Variants in GNS observed in about 807,000 individuals in gnomAD.
GNS encodes the protein N-acetylglucosamine-6-sulfatase.
Under a neutral mutation model 69.7 loss-of-function variants are expected in GNS, and 40 were observed. That is an observed-to-expected ratio of 0.57 (90% CI 0.45 to 0.75). The LOEUF is 0.75. GNS is among the 30% of genes least tolerant of loss of function. The pLI is 0.00. For missense variants in GNS, 565 were observed against 685.5 expected (o/e 0.82, Z 1.96); for synonymous variants, 243 against 251.6 (o/e 0.97, Z 0.32).
At chr12:64,730,022 G>T (rs1223645784) in intron 9 of GNS, among the ~76,000 whole-genome samples, 1 of 152,148 alleles carries the variant, frequency 6.6e-6, no homozygotes, top group Non-Finnish European at 1.5e-5. Context: ...AGCCACAAGT[G>T]GATAATGCAG....
chr12:64,720,150 G>T lies in GNS; in HGVS notation c.1452C>A (p.Asp484Glu). Residue 484 changes from aspartate to glutamate, a missense_variant, in exon 13 of 14, where the codon GAC becomes GAA. By Grantham distance (45) the Asp-to-Glu change is conservative. Around this residue, in one of 2 missense-constraint regions of GNS, gnomAD observed 384 missense variants for 511.0 expected, o/e 0.75. Coordinates refer to ENST00000258145, the MANE Select transcript of GNS (RefSeq NM_002076.4). ...VFVEVYNLTA[D>E]PDQITNIAKT... The stretch of plus-strand genomic sequence containing the variant: ...TAGCAATGTTAGTGATCTGGTCTGG[G>T]TCTGCAGTCAGATTATAGACTTCTA... 1 of 1,605,970 alleles carries T rather than the reference G, an allele frequency of 6.2e-7. No homozygotes were observed. Among genetic ancestry groups the T allele is most frequent in the Non-Finnish European group, 8.5e-7 (1 of 1,172,588 alleles).
intron 2 of GNS, among the ~76,000 whole-genome samples, chr12:64,751,465 C>T (rs1043674955): frequency 1.3e-5 from 2 of 152,100 alleles, no homozygotes; most frequent in Non-Finnish European, 2.9e-5. Context: ...AAATGGAGCA[C>T]TGTTTCATCC....
At position 64,715,326 on chromosome 12, in the gene GNS, G is replaced by C. The variant is rs1401795742; in HGVS notation, c.*1415C>G. Reference sequence around the variant, plus strand: ...AAGGTCAGGAGTTCAAGACCAGCCTGGCCAACATGGTGAAACTCTGTCTCT... The same window carrying C: ...AAGGTCAGGAGTTCAAGACCAGCCTCGCCAACATGGTGAAACTCTGTCTCT... On this transcript the variant is annotated 3_prime_UTR_variant, in exon 14 of 14. Transcript: ENST00000258145. 6.6e-6 allele frequency: 1 copy of C among 152,196 alleles called. No homozygotes were observed. The highest frequency in any genetic ancestry group is 1.9e-4 in the East Asian group (1 of 5,198). 9.4% of individuals were successfully genotyped at this position (152,196 alleles called of 1,614,324 possible).
chr12:64,748,618 T>C (rs1006000889), intron 2 of GNS, among the ~76,000 whole-genome samples: 3 of 152,212 alleles, frequency 2.0e-5, no homozygotes, highest in Non-Finnish European at 4.4e-5. Flanking sequence ...ATTTGCAGGC[T>C]GATCTGCAGC....
At chr12:64,732,985 G>A (rs1869451437) in intron 9 of GNS, among the ~76,000 whole-genome samples, 1 of 152,044 alleles carries the variant, frequency 6.6e-6, no homozygotes, top group Admixed American at 6.5e-5. Flanking sequence ...TCAAATGAAA[G>A]TCCTTAGAAA....
chr12:64,732,172 T>G lies in GNS; in HGVS notation c.1099-3115A>C, dbSNP rs1319989900. Among the ~76,000 whole-genome samples the G allele has an allele frequency of 2.2e-4, 24 of 110,394 alleles. 1 individual carries two copies. The highest frequency in any genetic ancestry group is 2.6e-4 in the Admixed American group (3 of 11,452). The allele number at this position is 110,394 out of a possible 152,430, so 72.4% of individuals were successfully genotyped here. A position where few individuals can be genotyped will look rare whatever the true frequency, so the allele number is the denominator to read the frequency against. ...TGGCTAATTTTTTTTTTTTGTTGTT[T>G]TTTTTTTTTTTTTGAGACGGAGTCT... is the stretch of plus-strand genomic sequence containing the variant. On this transcript the variant is annotated intron_variant, in intron 9 of 13. Transcript: ENST00000258145.
Position 64,747,821 on chromosome 12 carries a change from T to A in GNS, c.350A>T (p.Asn117Ile). The A allele has an allele frequency of 6.2e-7, 1 of 1,604,028 alleles. No homozygotes were observed. The highest frequency in any genetic ancestry group is 2.2e-5 in the East Asian group (1 of 44,850). ...HHVVNNTLEG[N>I]CSSKSWQKIQ... is the part of the protein sequence containing the mutation. Reference sequence around the variant, plus strand: ...CTTCTGCCAGGACTTACTACTGCAGTTCCCCTCCAGAGTGTTGTTCACAAC... The same window carrying A: ...CTTCTGCCAGGACTTACTACTGCAGATCCCCTCCAGAGTGTTGTTCACAAC... The change falls in exon 3 of 14, where the codon AAC becomes ATC. Residue 117 changes from asparagine (N) to isoleucine (I), a missense_variant. Physicochemically the swap from Asn to Ile is moderately radical, Grantham distance 149. Around this residue, in one of 2 missense-constraint regions of GNS, gnomAD observed 181 missense variants for 174.4 expected, o/e 1.04. Coordinates refer to ENST00000258145, the MANE Select transcript of GNS (RefSeq NM_002076.4).
At chr12:64,755,945 G>T (rs1304786056) in intron 1 of GNS, among the ~76,000 whole-genome samples, 1 of 152,126 alleles carries the variant, frequency 6.6e-6, no homozygotes, top group Non-Finnish European at 1.5e-5. Flanking sequence ...AGGATTACAG[G>T]CGTGAGCCAC....
chr12:64,754,597 T>G (rs1354080989), intron 1 of GNS, among the ~76,000 whole-genome samples: 2 of 151,774 alleles, frequency 1.3e-5, no homozygotes, highest in African/African-American at 4.8e-5. Context: ...ACATAGGAAT[T>G]TAGACTTTAG....
rs1490460187 is a variant in GNS at position 64,740,617 on chromosome 12, T to C, written c.864A>G (p.Ala288=). The change falls in exon 7 of 14, where the codon GCA becomes GCG. Residue 288 remains alanine, a synonymous_variant. Coordinates refer to ENST00000258145, the MANE Select transcript of GNS (RefSeq NM_002076.4). The part of the protein sequence containing the change: ...TNSSIQFLDN[A]FRKRWQTLLS... The stretch of plus-strand genomic sequence containing the variant: ...GCAGCAGCTCTTACCTTTTCCTAAA[T>C]GCATTATCTAAAAACTGTATTGAAG... 2.6e-6 allele frequency: 4 copies of C among 1,539,474 alleles called. No homozygotes were observed. Among genetic ancestry groups the C allele is most frequent in the East Asian group, 2.2e-5 (1 of 44,570 alleles).
At chr12:64,733,835 T>G (rs897983978) in intron 9 of GNS, among the ~76,000 whole-genome samples, 1 of 152,240 alleles carries the variant, frequency 6.6e-6, no homozygotes, top group Non-Finnish European at 1.5e-5. Context: ...TTAGAATTCC[T>G]TTTGCAGAAC....
chr12:64,746,860 A>G (rs1300572590), intron 3 of GNS, among the ~76,000 whole-genome samples: 2 of 152,274 alleles, frequency 1.3e-5, no homozygotes, highest in African/African-American at 2.4e-5. Context: ...CTGTAAACTC[A>G]CAAGGTTGCA....
chr12:64,730,699 C>G (rs1004675830), intron 9 of GNS, among the ~76,000 whole-genome samples: 6 of 152,124 alleles, frequency 3.9e-5, no homozygotes, highest in African/African-American at 1.4e-4. Flanking sequence ...AGATAATTTT[C>G]CTGGTTCGAA....
At chr12:64,741,585 C>T (rs866629972) in intron 6 of GNS, among the ~76,000 whole-genome samples, 10 of 152,112 alleles carry the variant, frequency 6.6e-5, no homozygotes, top group Middle Eastern at 6.8e-3. Flanking sequence ...CATACCTGGT[C>T]TACCTTCCTC....
chr12:64,727,601 C>T (rs1565882101), intron 10 of GNS, among the ~76,000 whole-genome samples: 1 of 152,134 alleles, frequency 6.6e-6, no homozygotes. Flanking sequence ...TGATATGATC[C>T]TTGAAAACAC....
At chr12:64,745,862 C>A in intron 3 of GNS, 138 bp from the exon 4 acceptor site, 1 of 690,660 alleles carries the variant, frequency 1.4e-6, no homozygotes, top group South Asian at 1.6e-5. Flanking sequence ...AGACACTAGT[C>A]AAAAATAAAC....
intron 3 of GNS, 133 bp downstream of exon 3, chr12:64,747,579 T>C: frequency 1.5e-6 from 1 of 663,502 alleles, no homozygotes; most frequent in Middle Eastern, 4.0e-4. Flanking sequence ...GGGTACTTGT[T>C]TAATGGGCAG....
chr12:64,730,062 C>A (rs1054865563), intron 9 of GNS, among the ~76,000 whole-genome samples: 1 of 152,286 alleles, frequency 6.6e-6, no homozygotes, highest in Non-Finnish European at 1.5e-5. Context: ...ATAGAAGTCA[C>A]TTGGTCACAG....
intron 9 of GNS, 157 bp from the exon 10 acceptor site, chr12:64,729,214 T>C (rs958914214): frequency 1.5e-6 from 1 of 645,246 alleles, no homozygotes; most frequent in Non-Finnish European, 2.8e-6. Flanking sequence ...GATCCAAATA[T>C]AACTATAATA....
Sources: allele counts gnomAD v4.1 joint callset (sites outside exome capture counted in the v4.1 genomes callset), GRCh38; gene constraint gnomAD v4.1.1; regional missense constraint gnomAD v4.1.1; transcripts MANE v1.5; gene names NCBI Gene and HGNC (gene_info 2026-07-23, HGNC 2026-07-21).